The following EDN1 variants were observed in gnomAD, a reference collection of about 807,000 sequenced individuals.
EDN1 encodes the protein endothelin-1.
Under a neutral mutation model 21.7 loss-of-function variants are expected in EDN1, and 11 were observed. That is an observed-to-expected ratio of 0.51 (90% CI 0.32 to 0.84). The LOEUF is 0.84. Among genes scored for constraint, EDN1 ranks in the 40% least tolerant of loss-of-function variants. The pLI, the probability that EDN1 is intolerant of heterozygous loss-of-function variation, is 0.03. For synonymous variants in EDN1, 85 were observed against 90.6 expected, an observed-to-expected ratio of 0.94 and a Z score of 0.35; for missense variants, 244 against 262.3, an observed-to-expected ratio of 0.93 and a Z score of 0.48.
At chr6:12,282,174 G>A in the EDN1 span, among the ~76,000 whole-genome samples, 5 of 152,188 alleles carry the variant, frequency 3.3e-5, no homozygotes, top group Non-Finnish European at 5.9e-5. Flanking sequence ...GTGGTAGAAT[G>A]TTCCTTGAAA....
the EDN1 span, among the ~76,000 whole-genome samples, chr6:12,234,795 C>T: frequency 2.0e-5 from 3 of 152,166 alleles, no homozygotes; most frequent in African/African-American, 7.2e-5. Context: ...GAGATGGGGA[C>T]TTCATTGGTG....
chr6:12,269,314 G>A, the EDN1 span, among the ~76,000 whole-genome samples: 3 of 151,940 alleles, frequency 2.0e-5, no homozygotes, highest in Non-Finnish European at 4.4e-5. Flanking sequence ...CAATTTGAAT[G>A]ACCTTTCTTT....
At chr6:12,254,836 A>G in the EDN1 span, among the ~76,000 whole-genome samples, 1 of 152,198 alleles carries the variant, frequency 6.6e-6, no homozygotes, top group Non-Finnish European at 1.5e-5. Flanking sequence ...GATATCAAGG[A>G]TATTACAAAT....
the EDN1 span, among the ~76,000 whole-genome samples, chr6:12,248,049 C>T: frequency 6.6e-6 from 1 of 152,054 alleles, no homozygotes; most frequent in Non-Finnish European, 1.5e-5. Context: ...TTTCTCCCTC[C>T]ACTCTTGTCT....
At chr6:12,247,535 T>G in the EDN1 span, among the ~76,000 whole-genome samples, 1 of 125,876 alleles carries the variant, frequency 7.9e-6, no homozygotes, top group Non-Finnish European at 1.6e-5. Context: ...TTTCTTTCTT[T>G]CTTTTTTTTT....
the EDN1 span, among the ~76,000 whole-genome samples, chr6:12,262,871 TAAAAAAA>T: frequency 3.0e-5 from 4 of 132,230 alleles, no homozygotes; most frequent in East Asian, 6.6e-4. Context: ...AAACCCTGTT[TAAAAAAA>T]AAAAAAAAAA....
chr6:12,245,433 A>C, the EDN1 span, among the ~76,000 whole-genome samples: 2 of 152,212 alleles, frequency 1.3e-5, no homozygotes, highest in Non-Finnish European at 2.9e-5. Flanking sequence ...ATAAAAAGAG[A>C]ATATTCCAAT....
the EDN1 span, among the ~76,000 whole-genome samples, chr6:12,256,576 A>G: frequency 6.6e-6 from 1 of 152,178 alleles, no homozygotes; most frequent in Non-Finnish European, 1.5e-5. Flanking sequence ...CCAGGTAAGC[A>G]TGTGTCTTCC....
chr6:12,290,134 G>A (rs528661930), upstream of EDN1, among the ~76,000 whole-genome samples: 2 of 152,130 alleles, frequency 1.3e-5, no homozygotes. Context: ...GTCTCTAATG[G>A]GTATTTTCTT....
At chr6:12,255,803 A>G in the EDN1 span, among the ~76,000 whole-genome samples, 10 of 152,236 alleles carry the variant, frequency 6.6e-5, no homozygotes, top group African/African-American at 2.2e-4. Context: ...AAACAATTGA[A>G]TATCAGCTAT....
chr6:12,247,536 C>CTTTTTTTTTT, the EDN1 span, among the ~76,000 whole-genome samples: 8 of 97,762 alleles, frequency 8.2e-5, no homozygotes, highest in African/African-American at 1.7e-4. Flanking sequence ...TTCTTTCTTT[C>CTTTTTTTTTT]TTTTTTTTTT....
chr6:12,294,749 C>A (rs1762777981), intron 4 of EDN1, among the ~76,000 whole-genome samples: 1 of 151,976 alleles, frequency 6.6e-6, no homozygotes, highest in South Asian at 2.1e-4. Flanking sequence ...TACCACTTTC[C>A]CTGAGAAATC....
At chr6:12,293,655 CA>C (rs1762747014) in intron 2 of EDN1, among the ~76,000 whole-genome samples, 2 of 152,014 alleles carry the variant, frequency 1.3e-5, no homozygotes, top group African/African-American at 4.8e-5. Flanking sequence ...TAATTTTTGA[CA>C]AAAAAGCAAT....
the EDN1 span, among the ~76,000 whole-genome samples, chr6:12,270,057 A>T: frequency 0.71 from 107,514 of 151,894 alleles, 38,271 homozygotes; most frequent in East Asian, 0.83. Context: ...TAGAAACTTA[A>T]CCATTTCTTC....
upstream of EDN1, among the ~76,000 whole-genome samples, chr6:12,286,481 C>A (rs917980134): frequency 6.6e-6 from 1 of 152,198 alleles, no homozygotes; most frequent in Non-Finnish European, 1.5e-5. Context: ...AAGACTAAAT[C>A]AGGCCTAGTG....
At chr6:12,233,300 C>T in the EDN1 span, among the ~76,000 whole-genome samples, 1 of 152,196 alleles carries the variant, frequency 6.6e-6, no homozygotes, top group African/African-American at 2.4e-5. Flanking sequence ...TCCCCTAAAG[C>T]CTAAATGTTC....
chr6:12,284,600 A>T, the EDN1 span, among the ~76,000 whole-genome samples: 1 of 150,932 alleles, frequency 6.6e-6, no homozygotes, highest in Non-Finnish European at 1.5e-5. Flanking sequence ...GAAAGAAAGA[A>T]AGAGAAAGAA....
chr6:12,294,614 C>T (rs1262438366), intron 4 of EDN1, among the ~76,000 whole-genome samples: 1 of 152,138 alleles, frequency 6.6e-6, no homozygotes, highest in Non-Finnish European at 1.5e-5. Flanking sequence ...GAATGCAAAC[C>T]GATGTCCTCT....
At chr6:12,270,119 C>T in the EDN1 span, among the ~76,000 whole-genome samples, 1 of 152,110 alleles carries the variant, frequency 6.6e-6, no homozygotes, top group Middle Eastern at 3.4e-3. Context: ...TTTCTAGGAT[C>T]AGTTCTAATG....
Sources: gnomAD v4.1 joint callset for allele counts (sites outside exome capture counted in the v4.1 genomes callset) on GRCh38, gnomAD v4.1.1 for gene constraint, MANE v1.5 for transcripts, NCBI Gene and HGNC (gene_info 2026-07-23, HGNC 2026-07-21) for gene names.